Variants in SCAF1 observed in about 807,000 individuals in gnomAD.
SCAF1 encodes splicing factor, arginine/serine-rich 19.
A neutral mutation model predicts 91.2 loss-of-function variants in SCAF1; 28 were observed. That is an observed-to-expected ratio of 0.31 (90% CI 0.23 to 0.42). The LOEUF is 0.42. Ranked by LOEUF, SCAF1 falls within the 10% of genes least tolerant of loss-of-function variation. The pLI is 1.00. For missense variants in SCAF1, 1,893 were observed against 1,872.1 expected (o/e 1.01, Z -0.21); for synonymous variants, 1,036 against 833.7 (o/e 1.24, Z -4.18).
Position 49,652,139 on chromosome 19 carries a change from C to A in SCAF1, c.1750C>A (p.Arg584Ser). The A allele has an allele frequency of 9.1e-7, 1 of 1,098,262 alleles. No individual in the cohort carries two copies. Among genetic ancestry groups the A allele is most frequent in the Non-Finnish European group, 1.1e-6 (1 of 896,010 alleles). The allele number at this position is 1,098,262 out of a possible 1,614,324, so 68.0% of individuals were successfully genotyped here. A position where few individuals can be genotyped will look rare whatever the true frequency, so the allele number is the denominator to read the frequency against. Residue 584 changes from arginine to serine, a missense_variant, in exon 7 of 11, where the codon CGC becomes AGC. Around this residue, in one of 5 missense-constraint regions of SCAF1, gnomAD observed 1,436 missense variants for 1,306.8 expected, o/e 1.10. Transcript: ENST00000360565. Reference sequence around the variant, plus strand: ...CTCCCGCTCCCGCTCCCGCTCCACCCGCCGCCGCTCGCGCAGCACCGACCG... The same window carrying A: ...CTCCCGCTCCCGCTCCCGCTCCACCAGCCGCCGCTCGCGCAGCACCGACCG... Reference protein sequence around the residue: ...SRSRSRSRSTRRRSRSTDRRR... With the variant: ...SRSRSRSRSTSRRSRSTDRRR...
At position 49,650,865 on chromosome 19, in the gene SCAF1, C is replaced by T; in HGVS notation, c.479-3C>T. Reference sequence around the variant, plus strand: ...CCGCCTCTCTCTCCCTGTTCCTTTGCAGTTTCTCCACAGTCGAACTCCTCT... The same window carrying T: ...CCGCCTCTCTCTCCCTGTTCCTTTGTAGTTTCTCCACAGTCGAACTCCTCT... On this transcript the variant is annotated splice_polypyrimidine_tract_variant and splice_region_variant and intron_variant, in intron 6 of 10. Transcript: ENST00000360565. 6.2e-7 allele frequency: 1 copy of T among 1,606,550 alleles called. No individual in the cohort carries two copies. Among genetic ancestry groups the T allele is most frequent in the Non-Finnish European group, 8.5e-7 (1 of 1,176,138 alleles).
Position 49,654,729 on chromosome 19 carries a change from T to C in SCAF1, c.3477T>C (p.Pro1159=), listed in dbSNP as rs199946214. Residue 1159 remains proline (P), a synonymous_variant, in exon 9 of 11, where the codon CCT becomes CCC. Coordinates refer to ENST00000360565, the MANE Select transcript of SCAF1 (RefSeq NM_021228.3). The part of the protein sequence containing the change: ...APVPTSLGLP[P]GPSSYLLPGS... ...TGCCCACCTCTTTGGGTCTGCCCCCTGGCCCCTCCAGCTACCTGCTTCCTG... is the reference window on the plus strand; with the variant it reads ...TGCCCACCTCTTTGGGTCTGCCCCCCGGCCCCTCCAGCTACCTGCTTCCTG... The C allele has an allele frequency of 2.7e-5, 43 of 1,614,032 alleles. No individual in the cohort carries two copies. The East Asian group carries it at 9.6e-4, about 36-fold the overall frequency.
In SCAF1 at chr19:49,646,015, G is replaced by A. The variant is rs1011381876; in HGVS notation, c.167-93G>A. Reference sequence around the variant, plus strand: ...GAGCATGCGGGAGGCTGGTTCCGCTGTCAGGAACTAGATCAAGCTCCTCTT... The same window carrying A: ...GAGCATGCGGGAGGCTGGTTCCGCTATCAGGAACTAGATCAAGCTCCTCTT... On this transcript the variant is annotated intron_variant, in intron 3 of 10. Coordinates refer to ENST00000360565, the MANE Select transcript of SCAF1 (RefSeq NM_021228.3). This position sits in a 1 kb window ranked among gnomAD's most constrained non-coding sequence, Gnocchi z 5.6. 14 of 1,198,002 alleles carry A rather than the reference G, an allele frequency of 1.2e-5. No individual in the cohort carries two copies. The African/African-American group carries it at 1.4e-4, about 12-fold the overall frequency. 74.2% of individuals were successfully genotyped at this position (1,198,002 alleles called of 1,614,324 possible).
intron 10 of SCAF1, 117 bp downstream of exon 10, chr19:49,658,006 G>T: frequency 2.1e-6 from 3 of 1,406,134 alleles, no homozygotes; most frequent in Non-Finnish European, 2.9e-6. Context: ...TCTGGGAGGT[G>T]AGGAGGGTGA....
rs780114290 is a variant in SCAF1, at chr19:49,650,874, C to T, written c.485C>T (p.Pro162Leu). 1 of 1,608,918 alleles carries T rather than the reference C, an allele frequency of 6.2e-7. No homozygotes were observed. The highest frequency in any genetic ancestry group is 8.5e-7 in the Non-Finnish European group (1 of 1,177,572). The change falls in exon 7 of 11, where the codon CCA becomes CTA. Residue 162 changes from proline (P) to leucine (L), a missense_variant. Transcript: ENST00000360565. ...RAWRTGKTVS[P>L]QSNSSRPTCA... ...TCTCCCTGTTCCTTTGCAGTTTCTC[C>T]ACAGTCGAACTCCTCTAGGCCCACC... is the stretch of plus-strand genomic sequence containing the variant.
Position 49,653,500 on chromosome 19 carries a change from G to A in SCAF1, c.3111G>A (p.Glu1037=). 2.6e-6 allele frequency: 4 copies of A among 1,565,792 alleles called. No homozygotes were observed. The highest frequency in any genetic ancestry group is 2.3e-5 in the East Asian group (1 of 44,028). Residue 1037 remains glutamate, a synonymous_variant, in exon 7 of 11, where the codon GAG becomes GAA. Transcript: ENST00000360565. ...AAGAGGAGGAGGAAGAGGAAGAGGA[G>A]GAGGAGCAGCAGCCTGCTACCACCA... is the stretch of plus-strand genomic sequence containing the variant. The part of the protein sequence containing the change: ...EEEEEEEEEE[E]EEQQPATTTA...
At chr19:49,647,280 C>G (rs1191067765) in intron 6 of SCAF1, among the ~76,000 whole-genome samples, 1 of 152,228 alleles carries the variant, frequency 6.6e-6, no homozygotes, top group African/African-American at 2.4e-5. Flanking sequence ...AAGGAGGAAT[C>G]TCTTCCTCCA....
chr19:49,658,112 G>T, intron 10 of SCAF1, 96 bp from the exon 11 acceptor site: 1 of 1,369,536 alleles, frequency 7.3e-7, no homozygotes. Context: ...TATTGGGGAA[G>T]CTCCTCCTAC....
rs934111361 is a variant in SCAF1 at position 49,652,052 on chromosome 19, C to T, written c.1663C>T (p.His555Tyr). The T allele has an allele frequency of 8.1e-7, 1 of 1,233,990 alleles. No homozygotes were observed. The highest frequency in any genetic ancestry group is 1.0e-6 in the Non-Finnish European group (1 of 975,622). 76.4% of individuals were successfully genotyped at this position (1,233,990 alleles called of 1,614,324 possible). The change falls in exon 7 of 11, where the codon CAC (histidine) becomes TAC (tyrosine). Residue 555 changes from histidine (H) to tyrosine (Y), a missense_variant. By Grantham distance (83) the His-to-Tyr change is moderately conservative. Around this residue, in one of 5 missense-constraint regions of SCAF1, gnomAD observed 1,436 missense variants for 1,306.8 expected, o/e 1.10. Coordinates refer to ENST00000360565, the MANE Select transcript of SCAF1 (RefSeq NM_021228.3). Reference sequence around the variant, plus strand: ...GGCCTCGCCCTGGGACTCCAAGAAGCACCGCTCGCGGGACCGCAAGCCCGG... The same window carrying T: ...GGCCTCGCCCTGGGACTCCAAGAAGTACCGCTCGCGGGACCGCAAGCCCGG... ...APASPWDSKKHRSRDRKPGSH... is the reference protein window; with the variant it reads ...APASPWDSKKYRSRDRKPGSH...
At chr19:49,658,114 T>C in intron 10 of SCAF1, 94 bp from the exon 11 acceptor site, 2 of 1,378,616 alleles carry the variant, frequency 1.5e-6, no homozygotes, top group Non-Finnish European at 2.0e-6. Context: ...TTGGGGAAGC[T>C]CCTCCTACCG....
intron 9 of SCAF1, among the ~76,000 whole-genome samples, chr19:49,656,729 C>T (rs1331758544): frequency 6.6e-6 from 1 of 152,208 alleles, no homozygotes; most frequent in Non-Finnish European, 1.5e-5. Flanking sequence ...CCCTTTTCAT[C>T]CCATGGCCAT....
chr19:49,649,615 C>T (rs2081074351), intron 6 of SCAF1, among the ~76,000 whole-genome samples: 1 of 152,204 alleles, frequency 6.6e-6, no homozygotes. Flanking sequence ...TCTGCCTCAG[C>T]CTCCCGAGTA....
chr19:49,644,881 G>A, intron 1 of SCAF1, 140 bp from the exon 2 acceptor site: 1 of 625,234 alleles, frequency 1.6e-6, no homozygotes, highest in Non-Finnish European at 2.8e-6. Context: ...GGTGGAGTGG[G>A]AGGAGGTGGA....
rs577830752 is a variant in SCAF1 at position 49,644,837 on chromosome 19, G to A, written c.-6-184G>A. The A allele has an allele frequency of 3.8e-5, 20 of 530,510 alleles. No individual in the cohort carries two copies. The South Asian group carries it at 5.0e-4, about 13-fold the overall frequency. The allele number at this position is 530,510 out of a possible 1,614,324, so 32.9% of individuals were successfully genotyped here. The stretch of plus-strand genomic sequence containing the variant: ...GAGAATTGCTCCTAGTCCCTGGGGT[G>A]TCTGTGCTGGGTCCAGCGCCCACCC... On this transcript the variant is annotated intron_variant, in intron 1 of 10. Coordinates refer to ENST00000360565, the MANE Select transcript of SCAF1 (RefSeq NM_021228.3).
In SCAF1 at chr19:49,653,524, C is replaced by T; in HGVS notation, c.3135C>T (p.Thr1045=). 1 of 1,575,754 alleles carries T rather than the reference C, an allele frequency of 6.3e-7. No homozygotes were observed. The highest frequency in any genetic ancestry group is 8.6e-7 in the Non-Finnish European group (1 of 1,165,254). Reference sequence around the variant, plus strand: ...AGGAGGAGCAGCAGCCTGCTACCACCACGGCCACCAGCACTGCTGCAGCCG... The same window carrying T: ...AGGAGGAGCAGCAGCCTGCTACCACTACGGCCACCAGCACTGCTGCAGCCG... The part of the protein sequence containing the change: ...EEEEEQQPAT[T]TATSTAAAAP... Residue 1045 remains threonine, a synonymous_variant, in exon 7 of 11, where the codon ACC becomes ACT. Coordinates refer to ENST00000360565, the MANE Select transcript of SCAF1 (RefSeq NM_021228.3).
intron 6 of SCAF1, 40 bp from the exon 7 acceptor site, chr19:49,650,828 C>T: frequency 1.3e-6 from 2 of 1,526,152 alleles, no homozygotes; most frequent in East Asian, 2.3e-5. Flanking sequence ...AGGAGGGAGG[C>T]AAAGGCCCTG....
chr19:49,653,665 GC>G lies in SCAF1; in HGVS notation c.3278del (p.Pro1093GlnfsTer14). The G allele has an allele frequency of 6.3e-7, 1 of 1,587,872 alleles. No homozygotes were observed. The highest frequency in any genetic ancestry group is 1.1e-5 in the South Asian group (1 of 88,354). On this transcript the variant is annotated frameshift_variant, in exon 7 of 11. Coordinates refer to ENST00000360565, the MANE Select transcript of SCAF1 (RefSeq NM_021228.3). LOFTEE classifies it high-confidence loss of function. ...TGCCCCCGCCCATGCCCTGGAATCTGCCAGCTGGTGTGGACTGCACCACCAG... is the reference window on the plus strand; with the variant it reads ...TGCCCCCGCCCATGCCCTGGAATCTGCAGCTGGTGTGGACTGCACCACCAG... ...TLPPPMPWNL[P>X]AGVDCTTSGV...
At position 49,642,888 on chromosome 19, in the gene SCAF1, TGAGG is replaced by T. The variant is rs1411354745; in HGVS notation, c.-7+648_-7+651del. On this transcript the variant is annotated intron_variant, in intron 1 of 10. Transcript: ENST00000360565. This position sits in a 1 kb window ranked among gnomAD's most constrained non-coding sequence, Gnocchi z 4.0. ...AAGGGCGCCAAATATTGAGATGTACTGAGGGTCTGGGGTCTCCAAGGTATGGGTA... is the reference window on the plus strand; with the variant it reads ...AAGGGCGCCAAATATTGAGATGTACTGTCTGGGGTCTCCAAGGTATGGGTA... Among the ~76,000 whole-genome samples the T allele has an allele frequency of 6.6e-6, 1 of 152,166 alleles. No homozygotes were observed. The highest frequency in any genetic ancestry group is 1.5e-5 in the Non-Finnish European group (1 of 68,014).
upstream of SCAF1, among the ~76,000 whole-genome samples, chr19:49,641,762 G>T (rs1162805816): frequency 6.6e-6 from 1 of 152,228 alleles, no homozygotes; most frequent in African/African-American, 2.4e-5. Flanking sequence ...AATTTAGGGG[G>T]GCCTAGAGGA....
Sources: allele counts gnomAD v4.1 joint callset (sites outside exome capture counted in the v4.1 genomes callset), GRCh38; gene constraint gnomAD v4.1.1; regional missense constraint gnomAD v4.1.1; non-coding constraint Gnocchi (gnomAD v3.1); transcripts MANE v1.5; gene names NCBI Gene and HGNC (gene_info 2026-07-23, HGNC 2026-07-21).